ZMAT4: variants seen among roughly 807,000 people sequenced by gnomAD.
ZMAT4 encodes zinc finger matrin-type 4.
A neutral mutation model predicts 28.7 loss-of-function variants in ZMAT4; 17 were observed. That is an observed-to-expected ratio of 0.59 (90% CI 0.41 to 0.89). The LOEUF is 0.89. Among genes scored for constraint, ZMAT4 ranks in the 40% least tolerant of loss-of-function variants. The pLI is 0.00. For synonymous variants in ZMAT4, 117 were observed against 109.2 expected (o/e 1.07, Z -0.44); for missense variants, 240 against 283.8 (o/e 0.85, Z 1.11).
intron 6 of ZMAT4, among the ~76,000 whole-genome samples, chr8:40,574,233 C>G (rs935415864): frequency 6.6e-6 from 1 of 151,526 alleles, no homozygotes; most frequent in Non-Finnish European, 1.5e-5. Flanking sequence ...TTGGTGTACA[C>G]TAATATCAGA....
intron 2 of ZMAT4, among the ~76,000 whole-genome samples, chr8:40,817,291 T>G (rs1815581869): frequency 6.6e-6 from 1 of 152,130 alleles, no homozygotes; most frequent in Non-Finnish European, 1.5e-5. Flanking sequence ...CTGCAAGCCT[T>G]AAATCAGTCT....
chr8:40,875,787 G>T (rs902702764), intron 1 of ZMAT4, among the ~76,000 whole-genome samples: 1 of 152,128 alleles, frequency 6.6e-6, no homozygotes, highest in Non-Finnish European at 1.5e-5. Context: ...GGAGGTCATT[G>T]GTCCGCCCTT....
chr8:40,682,507 G>A (rs1314842760), intron 4 of ZMAT4, among the ~76,000 whole-genome samples: 1 of 152,176 alleles, frequency 6.6e-6, no homozygotes, highest in African/African-American at 2.4e-5. Context: ...CACATGATAT[G>A]TCTGGATGCG....
At chr8:40,645,783 A>G (rs1807276897) in intron 5 of ZMAT4, among the ~76,000 whole-genome samples, 1 of 152,204 alleles carries the variant, frequency 6.6e-6, no homozygotes, top group African/African-American at 2.4e-5. Flanking sequence ...AAATGCATTA[A>G]AACCAAAATT....
chr8:40,601,643 A>AGAAAGAAAGAGAAAGCAG (rs1805373061), intron 5 of ZMAT4, among the ~76,000 whole-genome samples: 1 of 27,398 alleles, frequency 3.6e-5, no homozygotes, highest in African/African-American at 1.1e-4. Context: ...AGAGAAAGAA[A>AGAAAGAAAGAGAAAGCAG]GAAAGAAAGA....
intron 5 of ZMAT4, among the ~76,000 whole-genome samples, chr8:40,609,497 A>G (rs1031386): frequency 0.77 from 116,827 of 152,012 alleles, 45,074 homozygotes; most frequent in East Asian, 0.97. Flanking sequence ...TCTGGATAGC[A>G]ACATGCTGAC....
intron 2 of ZMAT4, among the ~76,000 whole-genome samples, chr8:40,789,392 G>C (rs1221658485): frequency 6.6e-6 from 1 of 152,106 alleles, no homozygotes; most frequent in South Asian, 2.1e-4. Context: ...TAGCCAGCAT[G>C]ATAAGGCAAG....
At position 40,736,855 on chromosome 8, in the gene ZMAT4, G is replaced by A. The variant is rs184829683; in HGVS notation, c.192+30786C>T. ...CTAAGCAGCTAACAACAGAGACGAG[G>A]TACTCATGGACTGAAAATAGGGGTA... On this transcript the variant is annotated intron_variant, in intron 3 of 6. Coordinates refer to ENST00000297737, the MANE Select transcript of ZMAT4 (RefSeq NM_024645.3). 3.2e-3 allele frequency among the ~76,000 whole-genome samples: 484 copies of A among 152,240 alleles called. 1 individual carries two copies. Among genetic ancestry groups the A allele is most frequent in the African/African-American group, 0.011 (461 of 41,554 alleles).
chr8:40,856,863 C>T (rs7812940), intron 1 of ZMAT4, among the ~76,000 whole-genome samples: 15,399 of 152,086 alleles, frequency 0.1, 975 homozygotes, highest in South Asian at 0.16. Flanking sequence ...ACAGGAGCCC[C>T]GTGGATGAAC....
At chr8:40,787,121 A>T (rs1420464117) in intron 2 of ZMAT4, among the ~76,000 whole-genome samples, 4 of 152,240 alleles carry the variant, frequency 2.6e-5, no homozygotes, top group Non-Finnish European at 2.9e-5. Context: ...TATTCATTAT[A>T]TGGAGACTTT....
intron 5 of ZMAT4, among the ~76,000 whole-genome samples, chr8:40,594,378 T>G (rs1805017081): frequency 6.6e-6 from 1 of 152,220 alleles, no homozygotes; most frequent in Non-Finnish European, 1.5e-5. Context: ...GAAATGACTC[T>G]AACTCAAAAA....
intron 3 of ZMAT4, among the ~76,000 whole-genome samples, chr8:40,743,504 C>G (rs4073158): frequency 6.6e-6 from 1 of 152,040 alleles, no homozygotes; most frequent in Non-Finnish European, 1.5e-5. Context: ...AACCCAGGGG[C>G]TGTTCTCTCA....
chr8:40,853,242 A>G (rs1327529717), intron 1 of ZMAT4, among the ~76,000 whole-genome samples: 3 of 152,212 alleles, frequency 2.0e-5, no homozygotes, highest in African/African-American at 7.2e-5. Context: ...ATGTGTTTTC[A>G]AGGTTGACAT....
At chr8:40,858,079 T>C (rs879275971) in intron 1 of ZMAT4, among the ~76,000 whole-genome samples, 3 of 149,798 alleles carry the variant, frequency 2.0e-5, no homozygotes, top group Non-Finnish European at 4.5e-5. Context: ...GAATACAAGG[T>C]AAACATTTGT....
chr8:40,555,235 A>T (rs556976710), intron 6 of ZMAT4, among the ~76,000 whole-genome samples: 27 of 152,258 alleles, frequency 1.8e-4, no homozygotes, highest in Middle Eastern at 3.4e-3. Context: ...CACTTAGGTT[A>T]ATTCCATATA....
intron 6 of ZMAT4, among the ~76,000 whole-genome samples, chr8:40,556,823 T>C (rs1278208837): frequency 6.6e-6 from 1 of 152,196 alleles, no homozygotes; most frequent in African/African-American, 2.4e-5. Context: ...TTATCATTTC[T>C]ATTTGTTAGG....
At chr8:40,540,898 G>A (rs929469035) in intron 6 of ZMAT4, among the ~76,000 whole-genome samples, 3 of 152,142 alleles carry the variant, frequency 2.0e-5, no homozygotes, top group Admixed American at 1.3e-4. Context: ...AAGATGCCAG[G>A]CCAGGAATTT....
chr8:40,873,736 G>A (rs2150656671), intron 1 of ZMAT4, among the ~76,000 whole-genome samples: 1 of 152,300 alleles, frequency 6.6e-6, no homozygotes, highest in East Asian at 1.9e-4. Context: ...TAGTCCCAGA[G>A]GATCTTAAAA....
intron 5 of ZMAT4, among the ~76,000 whole-genome samples, chr8:40,615,123 G>A (rs1776423667): frequency 6.6e-6 from 1 of 152,062 alleles, no homozygotes; most frequent in Non-Finnish European, 1.5e-5. Context: ...CAGGCCTGGT[G>A]GTGACAAAAT....
Sources: allele counts gnomAD v4.1 joint callset (sites outside exome capture counted in the v4.1 genomes callset), GRCh38; gene constraint gnomAD v4.1.1; transcripts MANE v1.5; gene names NCBI Gene and HGNC (gene_info 2026-07-23, HGNC 2026-07-21).